The following NALCN variants were observed in gnomAD, a reference collection of about 807,000 sequenced individuals.
NALCN encodes the protein sodium leak channel NALCN.
In NALCN, 111 loss-of-function variants were observed where a neutral mutation model predicts 225.3. That is an observed-to-expected ratio of 0.49 (90% CI 0.42 to 0.58). The LOEUF is 0.58. NALCN is among the 20% of genes least tolerant of loss of function. The pLI, the probability that NALCN is intolerant of heterozygous loss-of-function variation, is 0.00. For synonymous variants in NALCN, 764 were observed against 769.0 expected (o/e 0.99, Z 0.11); for missense variants, 1,378 against 2,202.4 (o/e 0.63, Z 7.49).
chr13:101,324,654 A>T (rs1323836731), intron 7 of NALCN, among the ~76,000 whole-genome samples: 1 of 152,166 alleles, frequency 6.6e-6, no homozygotes, highest in East Asian at 1.9e-4. Flanking sequence ...GAAGTTGCCT[A>T]TCAGCTTAAG....
At chr13:101,208,149 G>A (rs1199751799) in intron 13 of NALCN, among the ~76,000 whole-genome samples, 1 of 152,166 alleles carries the variant, frequency 6.6e-6, no homozygotes, top group Non-Finnish European at 1.5e-5. Flanking sequence ...CACCACGAAG[G>A]TCTGCAGCTT....
intron 13 of NALCN, among the ~76,000 whole-genome samples, chr13:101,222,167 T>C (rs1219374438): frequency 6.6e-6 from 1 of 152,182 alleles, no homozygotes; most frequent in Non-Finnish European, 1.5e-5. Context: ...ACCCCATTTA[T>C]AAAATCTGGT....
intron 7 of NALCN, among the ~76,000 whole-genome samples, chr13:101,311,676 A>G (rs2044351607): frequency 6.6e-6 from 1 of 152,134 alleles, no homozygotes; most frequent in Non-Finnish European, 1.5e-5. Flanking sequence ...TGATTTGCGT[A>G]TGTTGAACCA....
intron 28 of NALCN, among the ~76,000 whole-genome samples, chr13:101,093,341 C>T (rs1054418709): frequency 3.9e-5 from 6 of 152,174 alleles, no homozygotes; most frequent in Admixed American, 3.9e-4. Flanking sequence ...TTTTCTTAAT[C>T]ATAATTTAGC....
chr13:101,313,259 G>A (rs918944197), intron 7 of NALCN, among the ~76,000 whole-genome samples: 5 of 152,016 alleles, frequency 3.3e-5, no homozygotes, highest in Non-Finnish European at 7.4e-5. Flanking sequence ...TACCATTCAG[G>A]ACATAGGCAT....
At chr13:101,380,085 A>T (rs1594763822) in intron 3 of NALCN, among the ~76,000 whole-genome samples, 1 of 52,086 alleles carries the variant, frequency 1.9e-5, no homozygotes, top group East Asian at 4.5e-4. Flanking sequence ...ATATATACAC[A>T]TATATACATT....
At chr13:101,357,113 T>C (rs2046087558) in intron 6 of NALCN, among the ~76,000 whole-genome samples, 1 of 152,230 alleles carries the variant, frequency 6.6e-6, no homozygotes, top group Non-Finnish European at 1.5e-5. Context: ...AGCATTCTTT[T>C]TGAAAACTGG....
At chr13:101,252,678 T>C (rs966396819) in intron 11 of NALCN, among the ~76,000 whole-genome samples, 41 of 152,232 alleles carry the variant, frequency 2.7e-4, no homozygotes, top group African/African-American at 7.2e-4. Flanking sequence ...TCTGGCTTCA[T>C]TGGAAAACAT....
intron 10 of NALCN, among the ~76,000 whole-genome samples, chr13:101,272,258 C>T (rs2042818900): frequency 6.6e-6 from 1 of 151,354 alleles, no homozygotes; most frequent in Admixed American, 6.6e-5. Context: ...TGTGTGTACA[C>T]ATGCATGCTG....
intron 13 of NALCN, among the ~76,000 whole-genome samples, chr13:101,228,398 A>G (rs976015328): frequency 2.6e-5 from 4 of 152,112 alleles, no homozygotes; most frequent in Non-Finnish European, 5.9e-5. Flanking sequence ...CCCAAATGTC[A>G]TCTTGAATTG....
In NALCN at chr13:101,283,927, C is replaced by G; in HGVS notation, c.1134+6G>C. 1 of 1,607,130 alleles carries G rather than the reference C, an allele frequency of 6.2e-7. No homozygotes were observed. Among genetic ancestry groups the G allele is most frequent in the Non-Finnish European group, 8.5e-7 (1 of 1,178,004 alleles). On this transcript the variant is annotated splice_donor_region_variant and intron_variant, in intron 10 of 43. Transcript: ENST00000251127. ...GGCGATTTTTAAAAATGTCATTGTA[C>G]TGCACCTGGAGGCAGGCTGGGGCGC...
At chr13:101,260,286 CT>C (rs2042382320) in intron 10 of NALCN, among the ~76,000 whole-genome samples, 1 of 152,196 alleles carries the variant, frequency 6.6e-6, no homozygotes, top group Non-Finnish European at 1.5e-5. Flanking sequence ...TTGATGGACA[CT>C]TAGGTTGCTT....
chr13:101,331,356 CAG>C (rs1337671043), intron 7 of NALCN, among the ~76,000 whole-genome samples: 16 of 151,968 alleles, frequency 1.1e-4, no homozygotes, highest in African/African-American at 3.9e-4. Context: ...AGGTTTGAAA[CAG>C]AATTAGATAG....
At chr13:101,228,853 A>T (rs1030164330) in intron 13 of NALCN, among the ~76,000 whole-genome samples, 1 of 152,090 alleles carries the variant, frequency 6.6e-6, no homozygotes, top group Non-Finnish European at 1.5e-5. Context: ...TCTGGTTAAG[A>T]GCTGTACCTC....
intron 18 of NALCN, among the ~76,000 whole-genome samples, chr13:101,118,925 G>A (rs943865032): frequency 6.6e-6 from 1 of 152,182 alleles, no homozygotes; most frequent in East Asian, 1.9e-4. Context: ...GCAGTGTACA[G>A]GGTGTCTTGC....
At chr13:101,175,147 G>A (rs1050649082) in intron 15 of NALCN, among the ~76,000 whole-genome samples, 3 of 152,162 alleles carry the variant, frequency 2.0e-5, no homozygotes, top group East Asian at 1.9e-4. Context: ...TAGCAGAGCC[G>A]GGAAGATGCC....
chr13:101,153,021 C>T (rs777486748), intron 15 of NALCN, among the ~76,000 whole-genome samples: 12 of 152,112 alleles, frequency 7.9e-5, no homozygotes, highest in Non-Finnish European at 1.8e-4. Context: ...CTTACACACA[C>T]ACAAACACGC....
chr13:101,274,056 G>A (rs904057124), intron 10 of NALCN, among the ~76,000 whole-genome samples: 4 of 152,006 alleles, frequency 2.6e-5, no homozygotes, highest in Non-Finnish European at 4.4e-5. Flanking sequence ...TGTAGACAAC[G>A]AGCACCCTTA....
In NALCN at chr13:101,065,520, T is replaced by C. The variant is rs777582448; in HGVS notation, c.4488A>G (p.Leu1496=). The C allele has an allele frequency of 2.5e-6, 4 of 1,613,856 alleles. No homozygotes were observed. The highest frequency in any genetic ancestry group is 4.5e-5 in the East Asian group (2 of 44,858). The change falls in exon 40 of 44, where the codon CTA becomes CTG. Residue 1496 remains leucine (L), a synonymous_variant. Transcript: ENST00000251127. The part of the protein sequence containing the change: ...PTFRVKFLLR[L]LRGRLEVDLD... ...GGTCCACCTCCAGCCTCCCACGCAGTAGCCGCAGCAGGAACTTGACGCGGA... is the reference window on the plus strand; with the variant it reads ...GGTCCACCTCCAGCCTCCCACGCAGCAGCCGCAGCAGGAACTTGACGCGGA...
Sources: allele counts gnomAD v4.1 joint callset (sites outside exome capture counted in the v4.1 genomes callset), GRCh38; gene constraint gnomAD v4.1.1; transcripts MANE v1.5; gene names NCBI Gene and HGNC (gene_info 2026-07-23, HGNC 2026-07-21).